Variants in ADGRL3 observed in about 807,000 individuals in gnomAD.
The protein encoded by ADGRL3 is calcium-independent alpha-latrotoxin receptor 3.
A neutral mutation model predicts 153.5 loss-of-function variants in ADGRL3; 62 were observed. That is an observed-to-expected ratio of 0.40 (90% CI 0.33 to 0.50). The LOEUF is 0.50. Ranked by LOEUF, ADGRL3 falls within the 20% of genes least tolerant of loss-of-function variation. ADGRL3 has a pLI of 0.47. For missense variants in ADGRL3, 1,641 were observed against 1,859.4 expected, an observed-to-expected ratio of 0.88 and a Z score of 2.16; for synonymous variants, 710 against 672.5, an observed-to-expected ratio of 1.06 and a Z score of -0.86.
chr4:61,462,979 A>G (rs1037256046), intron 2 of ADGRL3, among the ~76,000 whole-genome samples: 1 of 152,212 alleles, frequency 6.6e-6, no homozygotes, highest in Admixed American at 6.5e-5. Flanking sequence ...CTCTGCTAGA[A>G]AAATAAAAGA....
intron 5 of ADGRL3, among the ~76,000 whole-genome samples, chr4:61,619,824 C>T (rs62304004): frequency 0.23 from 34,629 of 152,034 alleles, 4,997 homozygotes; most frequent in Non-Finnish European, 0.33. Flanking sequence ...CTATATCAAC[C>T]GTTTGAACTC....
intron 2 of ADGRL3, among the ~76,000 whole-genome samples, chr4:61,494,261 A>G (rs964539615): frequency 1.3e-5 from 2 of 152,162 alleles, no homozygotes; most frequent in African/African-American, 4.8e-5. Flanking sequence ...ATATACATTT[A>G]CTTTCTATTT....
intron 5 of ADGRL3, among the ~76,000 whole-genome samples, chr4:61,640,316 G>A (rs1367904106): frequency 2.0e-5 from 3 of 152,116 alleles, no homozygotes; most frequent in African/African-American, 4.8e-5. Context: ...AGAACAGATC[G>A]TTCTCCCTCA....
In ADGRL3 at chr4:61,869,248, T is replaced by C. The variant is rs1161903785; in HGVS notation, c.1481-23408T>C. Among the ~76,000 whole-genome samples, 3 of 152,144 alleles carry C rather than the reference T, an allele frequency of 2.0e-5. No individual in the cohort carries two copies. The East Asian group carries it at 5.8e-4, about 29-fold the overall frequency. Reference sequence around the variant, plus strand: ...TGTGAGCCACCATGCCCAGCCCATTTTTTTTTTAACATGCCAAACATTTAC... The same window carrying C: ...TGTGAGCCACCATGCCCAGCCCATTCTTTTTTTAACATGCCAAACATTTAC... On this transcript the variant is annotated intron_variant, in intron 9 of 26. Transcript: ENST00000683033.
intron 2 of ADGRL3, among the ~76,000 whole-genome samples, chr4:61,488,628 T>C (rs902227746): frequency 6.6e-6 from 1 of 151,998 alleles, no homozygotes; most frequent in African/African-American, 2.4e-5. Flanking sequence ...TCCGTGCCCA[T>C]CCTATGTTTT....
intron 5 of ADGRL3, among the ~76,000 whole-genome samples, chr4:61,646,472 G>A (rs922637895): frequency 4.0e-5 from 6 of 151,792 alleles, no homozygotes; most frequent in Non-Finnish European, 8.8e-5. Context: ...TGGTGTGGAT[G>A]TCCTTTCTGT....
intron 5 of ADGRL3, among the ~76,000 whole-genome samples, chr4:61,614,177 G>A (rs186607776): frequency 6.6e-6 from 1 of 152,256 alleles, no homozygotes; most frequent in Admixed American, 6.5e-5. Flanking sequence ...AAAATTGTCT[G>A]TATACTGGAA....
At position 61,871,082 on chromosome 4, in the gene ADGRL3, T is replaced by G. The variant is rs924181349; in HGVS notation, c.1481-21574T>G. 3.9e-5 allele frequency among the ~76,000 whole-genome samples: 6 copies of G among 151,962 alleles called. No individual in the cohort carries two copies. In the East Asian group the frequency reaches 1.2e-3, roughly 29 times the overall value. On this transcript the variant is annotated intron_variant, in intron 9 of 26. Coordinates refer to ENST00000683033, the MANE Select transcript of ADGRL3 (RefSeq NM_001387552.1). ...TCACGAGGTCAGGAGATCGAGACCA[T>G]CCTGGCTAACACGGTGAAACCCCGT...
intron 5 of ADGRL3, among the ~76,000 whole-genome samples, chr4:61,631,552 G>C (rs190399362): frequency 6.6e-6 from 1 of 152,206 alleles, no homozygotes; most frequent in Non-Finnish European, 1.5e-5. Context: ...AGGGATTCCT[G>C]TTTTCTCTTT....
At chr4:61,214,065 C>G (rs1394949) in intron 1 of ADGRL3, among the ~76,000 whole-genome samples, 1 of 152,174 alleles carries the variant, frequency 6.6e-6, no homozygotes. Context: ...ATGTATAGTT[C>G]TACTATGTAT....
At chr4:61,463,127 G>A (rs2097843520) in intron 2 of ADGRL3, among the ~76,000 whole-genome samples, 1 of 152,052 alleles carries the variant, frequency 6.6e-6, no homozygotes, top group African/African-American at 2.4e-5. Context: ...GGAGCAAGGG[G>A]TGTGTGTAAT....
At chr4:61,374,168 G>T (rs1251810725) in intron 1 of ADGRL3, among the ~76,000 whole-genome samples, 3 of 152,090 alleles carry the variant, frequency 2.0e-5, no homozygotes, top group African/African-American at 7.2e-5. Flanking sequence ...TTTCTGAAAA[G>T]TTGGGGCAAA....
At chr4:61,575,450 G>T (rs888027971) in intron 4 of ADGRL3, among the ~76,000 whole-genome samples, 1 of 151,888 alleles carries the variant, frequency 6.6e-6, no homozygotes, top group Non-Finnish European at 1.5e-5. Flanking sequence ...GTGGTATGTT[G>T]TCTCATGGTA....
intron 2 of ADGRL3, among the ~76,000 whole-genome samples, chr4:61,387,977 G>C (rs1034231050): frequency 2.0e-5 from 3 of 152,106 alleles, no homozygotes; most frequent in African/African-American, 7.2e-5. Flanking sequence ...ACTAACAAAT[G>C]TCCATAAAAT....
At chr4:61,979,034 T>A in intron 17 of ADGRL3, among the ~76,000 whole-genome samples, 1 of 152,150 alleles carries the variant, frequency 6.6e-6, no homozygotes, top group East Asian at 1.9e-4. Context: ...TTTATGAAAA[T>A]ACATACTTAT....
At chr4:61,366,431 G>T (rs1423279062) in intron 1 of ADGRL3, among the ~76,000 whole-genome samples, 1 of 152,148 alleles carries the variant, frequency 6.6e-6, no homozygotes, top group African/African-American at 2.4e-5. Flanking sequence ...ATAACAAGAT[G>T]TTGCATTGTA....
chr4:61,334,196 C>T lies in ADGRL3; in HGVS notation c.-239-48928C>T, dbSNP rs193074009. Among the ~76,000 whole-genome samples, 20 of 152,280 alleles carry T rather than the reference C, an allele frequency of 1.3e-4. No homozygotes were observed. The East Asian group carries it at 2.3e-3, about 18-fold the overall frequency. Reference sequence around the variant, plus strand: ...CCTCCCAAAGTGTTGGGATTACAGGCGTAAGCCACCGCGCCCAGCCAACAT... The same window carrying T: ...CCTCCCAAAGTGTTGGGATTACAGGTGTAAGCCACCGCGCCCAGCCAACAT... On this transcript the variant is annotated intron_variant, in intron 1 of 26. Transcript: ENST00000683033.
At chr4:61,267,414 C>A (rs1032026891) in intron 1 of ADGRL3, among the ~76,000 whole-genome samples, 2 of 151,684 alleles carry the variant, frequency 1.3e-5, no homozygotes, top group African/African-American at 4.8e-5. Flanking sequence ...GGCTAACTTG[C>A]AAGCACCTTC....
chr4:61,604,450 GGAATGAAACAAC>G (rs1165238425), intron 5 of ADGRL3, among the ~76,000 whole-genome samples: 1 of 151,990 alleles, frequency 6.6e-6, no homozygotes, highest in Non-Finnish European at 1.5e-5. Flanking sequence ...TTTTTCTCTT[GGAATGAAACAAC>G]GAATGAATCG....
Sources: allele counts gnomAD v4.1 joint callset (sites outside exome capture counted in the v4.1 genomes callset), GRCh38; gene constraint gnomAD v4.1.1; transcripts MANE v1.5; gene names NCBI Gene and HGNC (gene_info 2026-07-23, HGNC 2026-07-21).